Variants in RASSF3 observed in about 807,000 individuals in gnomAD.
RASSF3 encodes the protein ras association domain-containing protein 3.
In RASSF3, 19 loss-of-function variants were observed where a neutral mutation model predicts 19.9. The observed-to-expected ratio is 0.96, with a 90% CI of 0.67 to 1.40. The LOEUF (loss-of-function observed/expected upper bound fraction) is 1.40, where lower values mean the gene tolerates loss of function less well. RASSF3 is among the 40% of genes most tolerant of loss of function. The pLI is 0.00. For missense variants in RASSF3, 306 were observed against 289.8 expected, an observed-to-expected ratio of 1.06 and a Z score of -0.41; for synonymous variants, 110 against 104.2, an observed-to-expected ratio of 1.06 and a Z score of -0.34.
chr12:64,669,003 C>T (rs1284715426), intron 1 of RASSF3, among the ~76,000 whole-genome samples: 1 of 152,026 alleles, frequency 6.6e-6, no homozygotes, highest in Non-Finnish European at 1.5e-5. Flanking sequence ...AAAAATTGTT[C>T]CTAAGGAAGT....
At chr12:64,557,697 A>G (rs1869277380) in intron 2 of RASSF3, among the ~76,000 whole-genome samples, 1 of 152,118 alleles carries the variant, frequency 6.6e-6, no homozygotes, top group South Asian at 2.1e-4. Flanking sequence ...CCACAGAGAC[A>G]TCTCTGATTT....
At chr12:64,570,319 A>G (rs1365436223) in intron 2 of RASSF3, among the ~76,000 whole-genome samples, 2 of 152,146 alleles carry the variant, frequency 1.3e-5, no homozygotes, top group Non-Finnish European at 2.9e-5. Context: ...GCTGTCCTAA[A>G]ACTGATGTTT....
At position 64,564,794 on chromosome 12, in the gene RASSF3, T is replaced by G. The variant is rs560470337; in HGVS notation, c.294+23089T>G. 1.0e-4 allele frequency among the ~76,000 whole-genome samples: 15 copies of G among 146,874 alleles called. No individual in the cohort carries two copies. The East Asian group carries it at 1.2e-3, about 12-fold the overall frequency. ...AGGTGTTTTTTGTTTTTTGTTTTTT[T>G]TTTTGAGAGGGAGTCTCGCTCTGTT... On this transcript the variant is annotated intron_variant, in intron 2 of 5. Transcript: ENST00000637125.
chr12:64,648,794 T>C (rs1183244482), intron 1 of RASSF3, among the ~76,000 whole-genome samples: 1 of 132,560 alleles, frequency 7.5e-6, no homozygotes, highest in Non-Finnish European at 1.6e-5. Flanking sequence ...CTTCTTGTTT[T>C]TACATTGATT....
chr12:64,561,877 A>G (rs1443071989), intron 2 of RASSF3, among the ~76,000 whole-genome samples: 2 of 151,718 alleles, frequency 1.3e-5, no homozygotes, highest in Non-Finnish European at 2.9e-5. Context: ...ATTTGTATAC[A>G]AATATAATGT....
Position 64,568,366 on chromosome 12 carries a change from T to C in RASSF3, c.294+26661T>C, listed in dbSNP as rs555264586. Among the ~76,000 whole-genome samples, 14 of 152,290 alleles carry C rather than the reference T, an allele frequency of 9.2e-5. No homozygotes were observed. In the East Asian group the frequency reaches 2.7e-3, roughly 29 times the overall value. ...GGTTTTTTAAACTTGTGAGAGTGTG[T>C]GGTAAAACATATATATATCAGAAAA... On this transcript the variant is annotated intron_variant, in intron 2 of 5. Coordinates refer to the RASSF3 transcript ENST00000637125.
At chr12:64,531,627 T>C (rs539706676), upstream of RASSF3, among the ~76,000 whole-genome samples, 1 of 152,350 alleles carries the variant, frequency 6.6e-6, no homozygotes, top group African/African-American at 2.4e-5. Context: ...CAGTTTTGTT[T>C]TAATATAAAA....
chr12:64,687,012 A>C (rs1004404604), intron 2 of RASSF3, among the ~76,000 whole-genome samples: 1 of 152,164 alleles, frequency 6.6e-6, no homozygotes, highest in Non-Finnish European at 1.5e-5. Context: ...TGTTTTTGAG[A>C]TGCAGTCTCT....
intron 1 of RASSF3, chr12:64,629,915 G>A (rs1168616120): frequency 7.4e-6 from 1 of 134,574 alleles, no homozygotes; most frequent in Non-Finnish European, 1.5e-5. Flanking sequence ...AGTGAGCTGA[G>A]ATTGTGCCAC....
chr12:64,668,774 C>T (rs1236870298), intron 1 of RASSF3, among the ~76,000 whole-genome samples: 2 of 151,112 alleles, frequency 1.3e-5, no homozygotes, highest in African/African-American at 4.9e-5. Context: ...CTCTGCCTTC[C>T]GGGTTCACGC....
chr12:64,551,102 A>G (rs776549856), intron 2 of RASSF3, among the ~76,000 whole-genome samples: 51 of 152,118 alleles, frequency 3.4e-4, no homozygotes, highest in Non-Finnish European at 8.8e-5. Context: ...GAATATCCAT[A>G]ACCCCCAAAG....
Position 64,695,962 on chromosome 12 carries a change from C to T in RASSF3, c.*1050C>T, listed in dbSNP as rs1868350944. On this transcript the variant is annotated 3_prime_UTR_variant, in exon 5 of 5. Coordinates refer to ENST00000542104, the MANE Select transcript of RASSF3 (RefSeq NM_178169.4). The stretch of plus-strand genomic sequence containing the variant: ...CAGCTGTTTTTCCCTTGATTGTTAG[C>T]TAGGATATTTGTCAAGTAAACTTTG... 3 of 152,322 alleles carry T rather than the reference C, an allele frequency of 2.0e-5. No individual in the cohort carries two copies. In the South Asian group the frequency reaches 6.2e-4, roughly 32 times the overall value. The allele number at this position is 152,322 out of a possible 1,614,324, so 9.4% of individuals were successfully genotyped here. A position where few individuals can be genotyped will look rare whatever the true frequency, so the allele number is the denominator to read the frequency against.
chr12:64,557,584 G>A (rs1335501966), intron 2 of RASSF3, among the ~76,000 whole-genome samples: 3 of 152,088 alleles, frequency 2.0e-5, no homozygotes, highest in African/African-American at 4.8e-5. Context: ...TGGGAAGCAC[G>A]GAGTCTCCCA....
intron 1 of RASSF3, among the ~76,000 whole-genome samples, chr12:64,675,045 G>GCT (rs1872834752): frequency 1.7e-5 from 1 of 57,490 alleles, no homozygotes. Flanking sequence ...TACCCACCTA[G>GCT]CCCCCCCCCC....
intron 3 of RASSF3, among the ~76,000 whole-genome samples, chr12:64,689,561 G>A (rs1274719171): frequency 6.6e-6 from 1 of 152,144 alleles, no homozygotes; most frequent in Non-Finnish European, 1.5e-5. Context: ...AGAGAAGCTC[G>A]ATGGCATTTT....
chr12:64,509,829 A>G (rs7299668), intron 1 of RASSF3, among the ~76,000 whole-genome samples: 3,737 of 152,096 alleles, frequency 0.025, 154 homozygotes, highest in African/African-American at 0.085. Context: ...GGCTCATGCT[A>G]TGATCCCAGA....
At chr12:64,513,932 T>A (rs1868343807) in intron 1 of RASSF3, among the ~76,000 whole-genome samples, 1 of 152,052 alleles carries the variant, frequency 6.6e-6, no homozygotes. Flanking sequence ...CAGGCTGGAG[T>A]GCAATGGCAG....
rs1193016824 is a variant in RASSF3, at chr12:64,684,921, T to A, written c.219+27T>A. The A allele has an allele frequency of 5.4e-6, 7 of 1,294,906 alleles. 1 individual carries two copies. The South Asian group carries it at 5.9e-5, about 11-fold the overall frequency. 80.2% of individuals were successfully genotyped at this position (1,294,906 alleles called of 1,614,324 possible). ...TAAGCACTCAAAATACTATTTAGGT[T>A]GACACCTGTCAAAAGACAAATATAA... On this transcript the variant is annotated intron_variant, in intron 2 of 4. Transcript: ENST00000542104.
chr12:64,646,171 T>G (rs1871722412), intron 1 of RASSF3, among the ~76,000 whole-genome samples: 1 of 152,230 alleles, frequency 6.6e-6, no homozygotes, highest in East Asian at 1.9e-4. Context: ...TTGATCATTC[T>G]TGTAGAACGT....
Sources: gnomAD v4.1 joint callset for allele counts (sites outside exome capture counted in the v4.1 genomes callset) on GRCh38, gnomAD v4.1.1 for gene constraint, MANE v1.5 for transcripts, NCBI Gene and HGNC (gene_info 2026-07-23, HGNC 2026-07-21) for gene names.